TMOD2: variants seen among roughly 807,000 people sequenced by gnomAD.
TMOD2 encodes tropomodulin 2.
In TMOD2, 22 loss-of-function variants were observed where a neutral mutation model predicts 39.9. The ratio of observed to expected loss-of-function variants is 0.55; its 90% CI spans 0.39 to 0.79. The LOEUF (loss-of-function observed/expected upper bound fraction) is 0.79. TMOD2 is among the 30% of genes least tolerant of loss of function. The pLI, the probability that TMOD2 is intolerant of heterozygous loss-of-function variation, is 0.00. For synonymous variants in TMOD2, 123 were observed against 146.1 expected (o/e 0.84, Z 1.14); for missense variants, 386 against 413.3 (o/e 0.93, Z 0.57).
rs1397698083 is a variant in TMOD2, at chr15:51,785,403, C to G, written c.732+2575C>G. 1.3e-4 allele frequency among the ~76,000 whole-genome samples: 12 copies of G among 94,170 alleles called. No homozygotes were observed. The Admixed American group carries it at 1.6e-3, about 13-fold the overall frequency. The allele number at this position is 94,170 out of a possible 152,430, so 61.8% of individuals were successfully genotyped here. On this transcript the variant is annotated intron_variant, in intron 7 of 9. Transcript: ENST00000249700. ...CTCCAGCCTGGGCAACAGAGTGAGA[C>G]TCTGTCTCAAAAAAAAAAAAAAAAA...
intron 7 of TMOD2, among the ~76,000 whole-genome samples, chr15:51,794,997 G>A (rs2056037895): frequency 1.3e-5 from 2 of 152,054 alleles, no homozygotes; most frequent in Admixed American, 1.3e-4. Context: ...ATTCTCATGG[G>A]CCTTACAATG....
chr15:51,758,104 T>C (rs985813859), intron 1 of TMOD2, among the ~76,000 whole-genome samples: 4 of 151,410 alleles, frequency 2.6e-5, no homozygotes, highest in Admixed American at 6.6e-5. Flanking sequence ...ATAATAATAA[T>C]AACTAGCTTT....
chr15:51,787,797 G>A (rs775072307), intron 7 of TMOD2, among the ~76,000 whole-genome samples: 15 of 152,174 alleles, frequency 9.9e-5, no homozygotes, highest in Admixed American at 3.9e-4. Flanking sequence ...CTAACAGAAC[G>A]GAATAGCATC....
At chr15:51,801,855 G>A (rs2056092452) in intron 8 of TMOD2, among the ~76,000 whole-genome samples, 1 of 151,968 alleles carries the variant, frequency 6.6e-6, no homozygotes, top group South Asian at 2.1e-4. Context: ...TACTTAGGAG[G>A]CTGAGGCAGG....
At chr15:51,768,458 C>CT (rs753910453) in intron 3 of TMOD2, 40 bp downstream of exon 3, 20 of 1,499,720 alleles carry the variant, frequency 1.3e-5, no homozygotes, top group Admixed American at 5.1e-5. Context: ...CAGAGGTTCT[C>CT]TCTTTTTTTT....
intron 6 of TMOD2, among the ~76,000 whole-genome samples, chr15:51,782,460 T>G (rs1402633991): frequency 6.6e-6 from 1 of 152,248 alleles, no homozygotes; most frequent in Non-Finnish European, 1.5e-5. Context: ...GTATAGTATC[T>G]GCATACTTTC....
Position 51,808,521 on chromosome 15 carries a change from C to A in TMOD2, c.*67C>A, listed in dbSNP as rs2056135706. 3 of 1,336,530 alleles carry A rather than the reference C, an allele frequency of 2.2e-6. No homozygotes were observed. Among genetic ancestry groups the A allele is most frequent in the Non-Finnish European group, 3.2e-6 (3 of 947,154 alleles). The allele number at this position is 1,336,530 out of a possible 1,614,324, so 82.8% of individuals were successfully genotyped here. A position where few individuals can be genotyped will look rare whatever the true frequency, so the allele number is the denominator to read the frequency against. On this transcript the variant is annotated 3_prime_UTR_variant, in exon 10 of 10. Transcript: ENST00000249700. ...TTGAAAAACAAAAACTCTTCTTCTT[C>A]CCCATCAGGACCATTTTATCAAAGT... is the stretch of plus-strand genomic sequence containing the variant.
intron 1 of TMOD2, among the ~76,000 whole-genome samples, chr15:51,756,005 C>A (rs1168376990): frequency 3.3e-5 from 5 of 152,010 alleles, no homozygotes; most frequent in Non-Finnish European, 5.9e-5. Flanking sequence ...CAGTTAAAAC[C>A]CAGAAAGGCG....
chr15:51,777,941 G>A (rs2055900366), intron 5 of TMOD2, among the ~76,000 whole-genome samples: 1 of 151,900 alleles, frequency 6.6e-6, no homozygotes, highest in South Asian at 2.1e-4. Context: ...ATTCCTCAGG[G>A]ATCTAGAACT....
intron 8 of TMOD2, among the ~76,000 whole-genome samples, chr15:51,806,054 T>A (rs1462832359): frequency 1.3e-5 from 2 of 152,262 alleles, no homozygotes. Flanking sequence ...GATACTGGGA[T>A]GAATTCAAAA....
rs1397780985 is a variant in TMOD2, at chr15:51,808,479, T to A, written c.*25T>A. The A allele has an allele frequency of 6.2e-7, 1 of 1,608,224 alleles. No individual in the cohort carries two copies. On this transcript the variant is annotated 3_prime_UTR_variant, in exon 10 of 10. Coordinates refer to ENST00000249700, the MANE Select transcript of TMOD2 (RefSeq NM_014548.4). The stretch of plus-strand genomic sequence containing the variant: ...AACTTCCTTGAGGAGAAGTGAAGTT[T>A]CACTGTGGTATGGCCATTGAAAAAC...
At chr15:51,800,907 A>G (rs74502464) in intron 8 of TMOD2, among the ~76,000 whole-genome samples, 4,770 of 152,070 alleles carry the variant, frequency 0.031, 122 homozygotes, top group Non-Finnish European at 0.05. Flanking sequence ...GTCTCACTAT[A>G]TTTCCCAGGT....
intron 3 of TMOD2, among the ~76,000 whole-genome samples, chr15:51,773,212 A>G (rs4774601): frequency 0.017 from 2,540 of 152,290 alleles, 92 homozygotes; most frequent in Admixed American, 0.072. Flanking sequence ...TGGAGGCTCT[A>G]GAGGCAGGCT....
At position 51,806,345 on chromosome 15, in the gene TMOD2, C is replaced by T. The variant is rs763484976; in HGVS notation, c.877-32C>T. On this transcript the variant is annotated intron_variant, in intron 8 of 9. Coordinates refer to ENST00000249700, the MANE Select transcript of TMOD2 (RefSeq NM_014548.4). ...TAACTGTTTCCTCTTCCTTCTTGGT[C>T]ATCCTGTGCATGTGTCTGCACCTGC... 25 of 1,609,950 alleles carry T rather than the reference C, an allele frequency of 1.6e-5. No individual in the cohort carries two copies. In the Admixed American group the frequency reaches 3.9e-4, roughly 25 times the overall value.
At chr15:51,795,988 A>G (rs774232362) in intron 7 of TMOD2, among the ~76,000 whole-genome samples, 1 of 133,584 alleles carries the variant, frequency 7.5e-6, no homozygotes, top group Non-Finnish European at 1.5e-5. Flanking sequence ...AGAATTTTTA[A>G]ATTTGTGTCT....
intron 7 of TMOD2, among the ~76,000 whole-genome samples, chr15:51,790,037 CA>C (rs1317982145): frequency 2.0e-5 from 3 of 151,898 alleles, no homozygotes; most frequent in Non-Finnish European, 4.4e-5. Flanking sequence ...GATAGAGACA[CA>C]AAAAACTCTT....
intron 4 of TMOD2, among the ~76,000 whole-genome samples, chr15:51,774,334 A>G (rs2141621972): frequency 6.6e-6 from 1 of 152,324 alleles, no homozygotes; most frequent in Admixed American, 6.5e-5. Context: ...GTACAAAAGA[A>G]TGTGTAATGA....
At chr15:51,804,925 A>G (rs2056112347) in intron 8 of TMOD2, among the ~76,000 whole-genome samples, 1 of 151,198 alleles carries the variant, frequency 6.6e-6, no homozygotes, top group Non-Finnish European at 1.5e-5. Flanking sequence ...TTTGTCCCTT[A>G]AATTAAATTG....
chr15:51,803,833 G>C (rs1301668222), intron 8 of TMOD2, among the ~76,000 whole-genome samples: 1 of 152,070 alleles, frequency 6.6e-6, no homozygotes, highest in African/African-American at 2.4e-5. Context: ...TGAGAAAAAA[G>C]AAATATAAAC....
Sources: allele counts gnomAD v4.1 joint callset (sites outside exome capture counted in the v4.1 genomes callset), GRCh38; gene constraint gnomAD v4.1.1; transcripts MANE v1.5; gene names NCBI Gene and HGNC (gene_info 2026-07-23, HGNC 2026-07-21).